The following UST variants were observed in gnomAD, a reference collection of about 807,000 sequenced individuals.
The protein encoded by UST is chondroitin sulfate 2-O-sulfotransferase.
A neutral mutation model predicts 45.6 loss-of-function variants in UST; 21 were observed. The observed-to-expected ratio is 0.46, with a 90% CI of 0.33 to 0.66. The LOEUF (loss-of-function observed/expected upper bound fraction) is 0.66, where lower values mean the gene tolerates loss of function less well. Ranked by LOEUF, UST falls within the 30% of genes least tolerant of loss-of-function variation. UST has a pLI of 0.02. For synonymous variants in UST, 215 were observed against 200.6 expected (o/e 1.07, Z -0.61); for missense variants, 463 against 512.4 (o/e 0.90, Z 0.93).
chr6:149,018,873 G>A (rs1156612773), intron 5 of UST, among the ~76,000 whole-genome samples: 2 of 152,128 alleles, frequency 1.3e-5, no homozygotes, highest in African/African-American at 4.8e-5. Flanking sequence ...CCAAACTTAA[G>A]ACTCGGAGCC....
intron 1 of UST, among the ~76,000 whole-genome samples, chr6:148,836,089 T>C (rs1335033765): frequency 6.6e-6 from 1 of 152,026 alleles, no homozygotes. Context: ...ACAATCAGAG[T>C]TCATCGTGTT....
Position 148,790,836 on chromosome 6 carries a change from A to C in UST, c.247+43159A>C, listed in dbSNP as rs1444194365. The stretch of plus-strand genomic sequence containing the variant: ...CCCAGTTCCAGAGCTCCTGTGGGAC[A>C]GGCTGAGCTCCGTTGCAGCTGCATC... On this transcript the variant is annotated intron_variant, in intron 1 of 7. Transcript: ENST00000367463. The surrounding 1 kb of genome is among the most constrained non-coding windows in gnomAD (Gnocchi z 4.2). Among the ~76,000 whole-genome samples, 1 of 152,256 alleles carries C rather than the reference A, an allele frequency of 6.6e-6. No homozygotes were observed. Among genetic ancestry groups the C allele is most frequent in the Non-Finnish European group, 1.5e-5 (1 of 68,042 alleles).
At chr6:149,013,204 A>G (rs1464680045) in intron 5 of UST, among the ~76,000 whole-genome samples, 1 of 152,232 alleles carries the variant, frequency 6.6e-6, no homozygotes. Flanking sequence ...AAGTTTTGGT[A>G]TCTAAGAAAT....
intron 1 of UST, among the ~76,000 whole-genome samples, chr6:148,872,933 T>C (rs140755905): frequency 1.3e-5 from 2 of 152,316 alleles, no homozygotes; most frequent in East Asian, 3.9e-4. Flanking sequence ...GCTGCCTGCA[T>C]TCTTTGACTC....
intron 1 of UST, among the ~76,000 whole-genome samples, chr6:148,786,198 G>T (rs558442469): frequency 6.6e-6 from 1 of 152,060 alleles, no homozygotes; most frequent in South Asian, 2.1e-4. Context: ...AGATAAAAGG[G>T]TTTTTATACT....
intron 5 of UST, among the ~76,000 whole-genome samples, chr6:148,989,224 C>CAA (rs1314709356): frequency 2.9e-4 from 34 of 119,100 alleles, no homozygotes; most frequent in South Asian, 3.4e-4. Context: ...CCCCCACCCC[C>CAA]CGCAAATGAA....
At chr6:149,007,449 A>G (rs1298914118) in intron 5 of UST, among the ~76,000 whole-genome samples, 2 of 141,352 alleles carry the variant, frequency 1.4e-5, no homozygotes, top group Non-Finnish European at 3.0e-5. Flanking sequence ...TACCACACCC[A>G]GCTAATTTTT....
intron 1 of UST, among the ~76,000 whole-genome samples, chr6:148,854,709 A>G (rs1778169260): frequency 6.6e-6 from 1 of 152,158 alleles, no homozygotes; most frequent in South Asian, 2.1e-4. Context: ...TTCCTGATGA[A>G]TTGAAGTTCA....
intron 1 of UST, among the ~76,000 whole-genome samples, chr6:148,791,900 C>G (rs1050912383): frequency 1.3e-5 from 2 of 152,154 alleles, no homozygotes; most frequent in African/African-American, 4.8e-5. Flanking sequence ...ACGCGTCAAT[C>G]ACATGATGCA....
intron 5 of UST, among the ~76,000 whole-genome samples, chr6:148,997,256 C>G (rs1781470124): frequency 6.6e-6 from 1 of 152,102 alleles, no homozygotes; most frequent in African/African-American, 2.4e-5. Flanking sequence ...GATTTCGTAG[C>G]TTTTTTTCTT....
intron 2 of UST, among the ~76,000 whole-genome samples, chr6:148,910,292 C>T (rs1031075141): frequency 4.6e-5 from 7 of 152,072 alleles, no homozygotes; most frequent in Non-Finnish European, 1.0e-4. Context: ...AGGCATGCAC[C>T]ACCACACCCA....
intron 2 of UST, among the ~76,000 whole-genome samples, chr6:148,903,239 A>C (rs1288959761): frequency 6.6e-6 from 1 of 152,132 alleles, no homozygotes. Context: ...ATATTATGTA[A>C]TGTAAAGTCC....
intron 7 of UST, among the ~76,000 whole-genome samples, chr6:149,043,548 C>T (rs1051479598): frequency 6.6e-6 from 1 of 152,264 alleles, no homozygotes; most frequent in Admixed American, 6.5e-5. Flanking sequence ...GTGCTGTGGC[C>T]TCCTTTTCTG....
intron 1 of UST, among the ~76,000 whole-genome samples, chr6:148,773,471 A>G (rs1776472203): frequency 6.6e-6 from 1 of 152,188 alleles, no homozygotes; most frequent in African/African-American, 2.4e-5. Flanking sequence ...CAAAAAAAAA[A>G]AAAAGTGATT....
intron 1 of UST, among the ~76,000 whole-genome samples, chr6:148,763,053 T>C (rs1008404589): frequency 3.9e-5 from 6 of 152,222 alleles, no homozygotes; most frequent in Non-Finnish European, 7.3e-5. Flanking sequence ...GGTAGTTCGA[T>C]TTTTAGTTCT....
chr6:149,044,417 TC>T (rs1202611520), intron 7 of UST, among the ~76,000 whole-genome samples: 1 of 152,220 alleles, frequency 6.6e-6, no homozygotes, highest in Non-Finnish European at 1.5e-5. Context: ...CCATTTCCCC[TC>T]ACTCTCTTTT....
intron 5 of UST, among the ~76,000 whole-genome samples, chr6:148,974,529 C>G (rs1188646153): frequency 6.6e-6 from 1 of 152,112 alleles, no homozygotes; most frequent in Non-Finnish European, 1.5e-5. Flanking sequence ...TTGATTTCAT[C>G]CCATGTTCTT....
intron 2 of UST, among the ~76,000 whole-genome samples, chr6:148,890,517 A>G (rs943768415): frequency 4.6e-5 from 7 of 152,208 alleles, no homozygotes; most frequent in African/African-American, 1.7e-4. Context: ...AGATCTAGAT[A>G]AAATAAGATT....
intron 4 of UST, among the ~76,000 whole-genome samples, chr6:148,963,033 C>T (rs184077035): frequency 6.6e-6 from 1 of 152,306 alleles, no homozygotes; most frequent in Admixed American, 6.5e-5. Flanking sequence ...TAGAGCGTGT[C>T]GTTCCTGGCT....
Sources: gnomAD v4.1 joint callset for allele counts (sites outside exome capture counted in the v4.1 genomes callset) on GRCh38, gnomAD v4.1.1 for gene constraint, Gnocchi (gnomAD v3.1) non-coding constraint, MANE v1.5 for transcripts, NCBI Gene and HGNC (gene_info 2026-07-23, HGNC 2026-07-21) for gene names.